PLCB1: variants seen among roughly 807,000 people sequenced by gnomAD.
PLCB1 encodes the protein phospholipase C beta 1.
In PLCB1, 46 loss-of-function variants were observed where a neutral mutation model predicts 161.8. The observed-to-expected ratio is 0.28, with a 90% CI of 0.22 to 0.36. The LOEUF is 0.36. PLCB1 is among the 10% of genes least tolerant of loss of function. The pLI is 1.00. For synonymous variants in PLCB1, 517 were observed against 503.7 expected (o/e 1.03, Z -0.35); for missense variants, 1,016 against 1,472.5 (o/e 0.69, Z 5.07).
intron 3 of PLCB1, among the ~76,000 whole-genome samples, chr20:8,618,453 A>C (rs1007735522): frequency 7.2e-5 from 11 of 152,196 alleles, no homozygotes; most frequent in Admixed American, 7.2e-4. Context: ...GCTTGAGCCC[A>C]GTGGTTCAAG....
intron 3 of PLCB1, among the ~76,000 whole-genome samples, chr20:8,627,853 C>T (rs533699423): frequency 6.6e-6 from 1 of 152,334 alleles, no homozygotes; most frequent in South Asian, 2.1e-4. Context: ...CAGGTCTACG[C>T]TGAGAGCCAG....
chr20:8,290,585 C>A (rs1374306961), intron 2 of PLCB1, among the ~76,000 whole-genome samples: 1 of 152,158 alleles, frequency 6.6e-6, no homozygotes, highest in African/African-American at 2.4e-5. Flanking sequence ...AGAGAAAACT[C>A]TCCATCAAAG....
At chr20:8,705,696 T>A (rs1978631998) in intron 11 of PLCB1, among the ~76,000 whole-genome samples, 1 of 152,132 alleles carries the variant, frequency 6.6e-6, no homozygotes, top group African/African-American at 2.4e-5. Flanking sequence ...AGGAACAAAG[T>A]GCAAAGATGG....
At chr20:8,404,337 T>C (rs1489025185) in intron 3 of PLCB1, among the ~76,000 whole-genome samples, 1 of 152,232 alleles carries the variant, frequency 6.6e-6, no homozygotes, top group Non-Finnish European at 1.5e-5. Flanking sequence ...ACAAAATTCC[T>C]AGGTTCCTTC....
rs1242478017 is a variant in PLCB1, at chr20:8,624,356, G to GA, written c.247-3932dup. On this transcript the variant is annotated intron_variant, in intron 3 of 31. Coordinates refer to ENST00000338037, the MANE Select transcript of PLCB1 (RefSeq NM_015192.4). Reference sequence around the variant, plus strand: ...CAATAAAGATACATTTCATGAGTATGAAAAAATGAGTAAGGTATATCTTCT... The same window carrying GA: ...CAATAAAGATACATTTCATGAGTATGAAAAAAATGAGTAAGGTATATCTTCT... 6.6e-5 allele frequency among the ~76,000 whole-genome samples: 10 copies of GA among 152,148 alleles called. No homozygotes were observed. The East Asian group carries it at 1.5e-3, about 23-fold the overall frequency.
At chr20:8,722,447 T>A in intron 15 of PLCB1, 26 bp downstream of exon 15, 1 of 1,565,696 alleles carries the variant, frequency 6.4e-7, no homozygotes. Flanking sequence ...TTCTGGTCCC[T>A]AAGGCATTCC....
intron 3 of PLCB1, among the ~76,000 whole-genome samples, chr20:8,572,662 C>T (rs1986557955): frequency 2.0e-5 from 3 of 152,180 alleles, no homozygotes; most frequent in Admixed American, 6.5e-5. Flanking sequence ...CACATATCTC[C>T]TCTGCTTATG....
At chr20:8,521,529 A>C (rs1984348180) in intron 3 of PLCB1, among the ~76,000 whole-genome samples, 2 of 151,952 alleles carry the variant, frequency 1.3e-5, no homozygotes, top group African/African-American at 2.4e-5. Context: ...CATGGAGAAA[A>C]CCAGTCTCTA....
intron 5 of PLCB1, 91 bp from the exon 6 acceptor site, chr20:8,647,809 A>C: frequency 1.0e-6 from 1 of 959,298 alleles, no homozygotes; most frequent in South Asian, 1.4e-5. Flanking sequence ...AAATGTACAA[A>C]GGCATGGGCT....
At chr20:8,203,558 G>C (rs898991623) in intron 2 of PLCB1, among the ~76,000 whole-genome samples, 5 of 152,020 alleles carry the variant, frequency 3.3e-5, no homozygotes, top group African/African-American at 1.2e-4. Context: ...TCACCAGGCC[G>C]GGGGTGGGGT....
chr20:8,397,198 A>T (rs1190371179), intron 3 of PLCB1, among the ~76,000 whole-genome samples: 1 of 152,086 alleles, frequency 6.6e-6, no homozygotes, highest in African/African-American at 2.4e-5. Context: ...CTAGAATAAA[A>T]ATACTGTTGC....
chr20:8,177,286 G>A lies in PLCB1; in HGVS notation c.177+26915G>A, dbSNP rs371364829. Among the ~76,000 whole-genome samples, 296 of 152,202 alleles carry A rather than the reference G, an allele frequency of 1.9e-3. 5 individuals carry two copies. In the South Asian group the frequency reaches 0.025, roughly 13 times the overall value. On this transcript the variant is annotated intron_variant, in intron 2 of 31. Transcript: ENST00000338037. ...TTCCACCACATGAGCATTCATAGAA[G>A]GCACCTTCTGTGAGAAATGGGCAAT...
Position 8,202,569 on chromosome 20 carries a change from A to G in PLCB1, c.177+52198A>G, listed in dbSNP as rs1000537426. 3.3e-5 allele frequency among the ~76,000 whole-genome samples: 5 copies of G among 152,238 alleles called. No individual in the cohort carries two copies. The East Asian group carries it at 9.6e-4, about 29-fold the overall frequency. On this transcript the variant is annotated intron_variant, in intron 2 of 31. Coordinates refer to ENST00000338037, the MANE Select transcript of PLCB1 (RefSeq NM_015192.4). The stretch of plus-strand genomic sequence containing the variant: ...AGATAGGCAGACATTCAAATGCAGA[A>G]TACATCAAGGTATTTGTTGGACTAG...
At chr20:8,845,735 C>G (rs1449779360) in intron 31 of PLCB1, among the ~76,000 whole-genome samples, 2 of 151,214 alleles carry the variant, frequency 1.3e-5, no homozygotes, top group Non-Finnish European at 2.9e-5. Flanking sequence ...CTGTTACTAA[C>G]AAAATAAGCA....
At chr20:8,474,760 T>G (rs1451472902) in intron 3 of PLCB1, among the ~76,000 whole-genome samples, 5 of 152,118 alleles carry the variant, frequency 3.3e-5, no homozygotes, top group African/African-American at 1.2e-4. Context: ...GATGGGAGGT[T>G]GGTTCTGGGT....
chr20:8,371,268 C>A, intron 2 of PLCB1, 114 bp from the exon 3 acceptor site: 1 of 652,310 alleles, frequency 1.5e-6, no homozygotes, highest in Non-Finnish European at 2.7e-6. Flanking sequence ...ATCCCAACTG[C>A]AGAGAAGTCT....
chr20:8,695,612 G>T (rs189270878), intron 10 of PLCB1, among the ~76,000 whole-genome samples: 211 of 152,204 alleles, frequency 1.4e-3, no homozygotes, highest in African/African-American at 4.9e-3. Context: ...TTAGGAAGGA[G>T]GATGACTTGA....
intron 3 of PLCB1, among the ~76,000 whole-genome samples, chr20:8,610,944 A>G (rs1049416579): frequency 6.6e-6 from 1 of 152,060 alleles, no homozygotes; most frequent in African/African-American, 2.4e-5. Context: ...ATTTTAAATA[A>G]ACATATTTTA....
At chr20:8,192,524 T>TTA (rs11471923) in intron 2 of PLCB1, among the ~76,000 whole-genome samples, 4,995 of 151,580 alleles carry the variant, frequency 0.033, 276 homozygotes, top group African/African-American at 0.11. Flanking sequence ...TTTTTTTTTT[T>TTA]AAGAATGCAA....
Sources: allele counts gnomAD v4.1 joint callset (sites outside exome capture counted in the v4.1 genomes callset), GRCh38; gene constraint gnomAD v4.1.1; transcripts MANE v1.5; gene names NCBI Gene and HGNC (gene_info 2026-07-23, HGNC 2026-07-21).